Variants in CNKSR2 observed in about 807,000 individuals in gnomAD.
CNKSR2 encodes connector enhancer of kinase suppressor of Ras 2, also known as CNK homolog protein 2.
In CNKSR2, 14 loss-of-function variants were observed where a neutral mutation model predicts 84.4. That is an observed-to-expected ratio of 0.17 (90% CI 0.11 to 0.26). The LOEUF (loss-of-function observed/expected upper bound fraction) is 0.26. CNKSR2 is among the 10% of genes least tolerant of loss of function. The pLI is 1.00. For synonymous variants in CNKSR2, 275 were observed against 277.9 expected (o/e 0.99, Z 0.10); for missense variants, 485 against 771.2 (o/e 0.63, Z 4.40).
chrX:21,605,081 C>T (rs1392474203), intron 18 of CNKSR2, among the ~76,000 whole-genome samples: 2 of 111,721 alleles, frequency 1.8e-5, no homozygotes, highest in Non-Finnish European at 1.9e-5. Context: ...CTCTGAAAGG[C>T]GGTTATTATT....
intron 10 of CNKSR2, among the ~76,000 whole-genome samples, chrX:21,529,664 G>A (rs1024001829): frequency 1.2e-4 from 13 of 110,200 alleles, no homozygotes; most frequent in African/African-American, 3.6e-4. Flanking sequence ...GACTCATGAC[G>A]TGAATATATA....
chrX:21,485,240 T>A (rs975046696), intron 5 of CNKSR2, among the ~76,000 whole-genome samples: 2 of 111,741 alleles, frequency 1.8e-5, no homozygotes, highest in Non-Finnish European at 3.8e-5. Flanking sequence ...CTTAAAAGTA[T>A]CTGATAAATT....
intron 1 of CNKSR2, among the ~76,000 whole-genome samples, chrX:21,419,265 G>A (rs1333883054): frequency 2.7e-5 from 3 of 110,375 alleles, no homozygotes; most frequent in Non-Finnish European, 5.7e-5. Context: ...CAATCTCTTT[G>A]TTAAATTTAT....
intron 18 of CNKSR2, among the ~76,000 whole-genome samples, chrX:21,602,222 G>A (rs2092486978): frequency 9.0e-6 from 1 of 111,142 alleles, no homozygotes; most frequent in African/African-American, 3.3e-5. Flanking sequence ...TTGACTCACT[G>A]CAGCCTCGAC....
chrX:21,505,473 A>G (rs1260581980), intron 8 of CNKSR2: 1 of 111,553 alleles, frequency 9.0e-6, no homozygotes, highest in African/African-American at 3.3e-5. Context: ...GATAAGTACT[A>G]TAAGCTAGTG....
intron 1 of CNKSR2, among the ~76,000 whole-genome samples, chrX:21,375,974 A>C (rs2089807875): frequency 1.8e-5 from 2 of 111,561 alleles, no homozygotes; most frequent in African/African-American, 6.5e-5. Flanking sequence ...GGAATTGAAG[A>C]GGGGATGGAT....
intron 13 of CNKSR2, among the ~76,000 whole-genome samples, chrX:21,568,290 A>G (rs1428205255): frequency 1.8e-5 from 2 of 111,756 alleles, no homozygotes; most frequent in Non-Finnish European, 3.8e-5. Flanking sequence ...ACTGTCTCCA[A>G]AAATAATAGT....
chrX:21,550,941 C>T (rs1467723921), intron 11 of CNKSR2, among the ~76,000 whole-genome samples: 4 of 107,570 alleles, frequency 3.7e-5, no homozygotes, highest in African/African-American at 6.8e-5. Flanking sequence ...GAGACTGAGA[C>T]GGGAGAATCA....
chrX:21,552,471 G>A (rs960104770), intron 11 of CNKSR2, among the ~76,000 whole-genome samples: 3 of 111,637 alleles, frequency 2.7e-5, no homozygotes, highest in Non-Finnish European at 5.7e-5. Context: ...AATGTATTTT[G>A]GAAAATATTG....
At chrX:21,400,131 G>A (rs2090170640) in intron 1 of CNKSR2, among the ~76,000 whole-genome samples, 1 of 111,073 alleles carries the variant, frequency 9.0e-6, no homozygotes. Flanking sequence ...CCAGTAACCT[G>A]CAATTAATTA....
At chrX:21,437,306 T>G (rs1301481091) in intron 3 of CNKSR2, among the ~76,000 whole-genome samples, 2 of 111,179 alleles carry the variant, frequency 1.8e-5, no homozygotes, top group Non-Finnish European at 3.8e-5. Context: ...GACTCTGACC[T>G]TTTCAAACCT....
At chrX:21,394,608 G>C (rs1327402573) in intron 1 of CNKSR2, among the ~76,000 whole-genome samples, 2 of 111,300 alleles carry the variant, frequency 1.8e-5, no homozygotes, top group African/African-American at 6.5e-5. Flanking sequence ...ACCAAACCTG[G>C]CTAAGTCCTG....
chrX:21,427,497 G>A (rs1450205277), intron 2 of CNKSR2: 1 of 111,270 alleles, frequency 9.0e-6, no homozygotes, highest in Non-Finnish European at 1.9e-5. Context: ...ATCAGGAGGT[G>A]AGATTCCTTA....
intron 1 of CNKSR2, among the ~76,000 whole-genome samples, chrX:21,418,991 AC>A (rs2090459178): frequency 9.0e-6 from 1 of 110,714 alleles, no homozygotes; most frequent in African/African-American, 3.3e-5. Flanking sequence ...TAAACCTTCT[AC>A]CCCTGACTTT....
chrX:21,476,262 A>G (rs1054973372), intron 5 of CNKSR2, among the ~76,000 whole-genome samples: 1 of 111,693 alleles, frequency 9.0e-6, no homozygotes, highest in Non-Finnish European at 1.9e-5. Flanking sequence ...TAAGGTCACT[A>G]TAAACTGAGA....
chrX:21,605,999 G>A (rs1382527383), intron 18 of CNKSR2, among the ~76,000 whole-genome samples: 1 of 111,965 alleles, frequency 8.9e-6, no homozygotes, highest in East Asian at 2.8e-4. Context: ...AACAGATTCC[G>A]ATTATTAGCC....
At chrX:21,613,661 C>T (rs2092561682) in intron 20 of CNKSR2, among the ~76,000 whole-genome samples, 2 of 112,486 alleles carry the variant, frequency 1.8e-5, no homozygotes, top group Non-Finnish European at 3.8e-5. Flanking sequence ...AAAATCTAGA[C>T]TGAGTTTTGT....
At chrX:21,648,700 C>G (rs1398295921) in intron 20 of CNKSR2, 131 bp from the exon 21 acceptor site, 4 of 514,322 alleles carry the variant, frequency 7.8e-6, no homozygotes, top group Non-Finnish European at 1.2e-5. Flanking sequence ...TCCTGTTTTT[C>G]AGATAGTTTT....
intron 1 of CNKSR2, among the ~76,000 whole-genome samples, chrX:21,405,839 TTAAAAA>T (rs1406045534): frequency 3.0e-4 from 34 of 111,527 alleles, no homozygotes; most frequent in African/African-American, 1.0e-3. Context: ...AGTTTTATAA[TTAAAAA>T]TAAATATATT....
Sources: gnomAD v4.1 joint callset for allele counts (sites outside exome capture counted in the v4.1 genomes callset) on GRCh38, gnomAD v4.1.1 for gene constraint, MANE v1.5 for transcripts, NCBI Gene and HGNC (gene_info 2026-07-23, HGNC 2026-07-21) for gene names.